Variants in PRKAG2 observed in about 807,000 individuals in gnomAD.
PRKAG2 encodes the protein protein kinase AMP-activated non-catalytic subunit gamma 2, also known as 5'-AMP-activated protein kinase subunit gamma-2.
Under a neutral mutation model 69.6 loss-of-function variants are expected in PRKAG2, and 26 were observed. The ratio of observed to expected loss-of-function variants is 0.37; its 90% confidence interval spans 0.27 to 0.52. The LOEUF is 0.52. Among genes scored for constraint, PRKAG2 ranks in the 20% least tolerant of loss-of-function variants. The pLI is 0.90. For synonymous variants in PRKAG2, 293 were observed against 285.0 expected, an observed-to-expected ratio of 1.03 and a Z score of -0.28; for missense variants, 557 against 740.0, an observed-to-expected ratio of 0.75 and a Z score of 2.87.
intron 6 of PRKAG2, among the ~76,000 whole-genome samples, chr7:151,577,303 C>T (rs1272549237): frequency 6.6e-6 from 1 of 152,176 alleles, no homozygotes; most frequent in South Asian, 2.1e-4. Context: ...ACTTAACACT[C>T]ATAACAAATA....
intron 1 of PRKAG2, among the ~76,000 whole-genome samples, chr7:151,805,046 C>T (rs2078032823): frequency 6.6e-6 from 1 of 152,176 alleles, no homozygotes; most frequent in Non-Finnish European, 1.5e-5. Context: ...GAATGTGGTC[C>T]CTCCCTGCAT....
intron 4 of PRKAG2, among the ~76,000 whole-genome samples, chr7:151,643,010 C>A (rs1826990925): frequency 6.6e-6 from 1 of 152,194 alleles, no homozygotes; most frequent in Non-Finnish European, 1.5e-5. Flanking sequence ...GAAGAAGGAG[C>A]TCAAGGAACA....
intron 6 of PRKAG2, among the ~76,000 whole-genome samples, chr7:151,584,396 T>C (rs1811160520): frequency 6.6e-6 from 1 of 151,846 alleles, no homozygotes; most frequent in Non-Finnish European, 1.5e-5. Context: ...TATGAATGAA[T>C]GGGCAGCCAT....
In PRKAG2 at chr7:151,707,500, C is replaced by T. The variant is rs79985976; in HGVS notation, c.467-31863G>A. 8.3e-3 allele frequency among the ~76,000 whole-genome samples: 1,266 copies of T among 152,246 alleles called. 20 individuals carry two copies. The highest frequency in any genetic ancestry group is 0.029 in the African/African-American group (1,193 of 41,544). On this transcript the variant is annotated intron_variant, in intron 3 of 15. Coordinates refer to ENST00000287878, the MANE Select transcript of PRKAG2 (RefSeq NM_016203.4). ...TCAGCTTCCAGAGCTCCCCAAACCT[C>T]GGGAGGGTCACACTGTTGGCTCTGG... is the stretch of plus-strand genomic sequence containing the variant.
intron 3 of PRKAG2, among the ~76,000 whole-genome samples, chr7:151,687,158 T>C (rs73481985): frequency 0.1 from 15,158 of 152,266 alleles, 2,123 homozygotes; most frequent in African/African-American, 0.32. Flanking sequence ...ATTTTAAATC[T>C]GTCCCAACTC....
chr7:151,773,227 A>AGGAAG (rs2076173334), intron 3 of PRKAG2, among the ~76,000 whole-genome samples: 1 of 151,504 alleles, frequency 6.6e-6, no homozygotes, highest in African/African-American at 2.4e-5. Flanking sequence ...AAGGAAGGAA[A>AGGAAG]GAAAGGAAAG....
intron 3 of PRKAG2, among the ~76,000 whole-genome samples, chr7:151,705,042 C>A (rs1329592633): frequency 6.6e-6 from 1 of 152,168 alleles, no homozygotes; most frequent in Non-Finnish European, 1.5e-5. Context: ...TAGGAGACAC[C>A]ACTGAAATTA....
At chr7:151,809,413 G>T (rs2078300789) in intron 1 of PRKAG2, 1 of 362,010 alleles carries the variant, frequency 2.8e-6, no homozygotes, top group African/African-American at 2.1e-5. Context: ...AGCTTCGAGG[G>T]GACTCCGGCA....
intron 1 of PRKAG2, among the ~76,000 whole-genome samples, chr7:151,830,359 T>A (rs73160037): frequency 0.25 from 38,552 of 151,554 alleles, 5,471 homozygotes; most frequent in Non-Finnish European, 0.29. Context: ...TGGCCCAGGG[T>A]GCACCTCTTT....
Position 151,780,357 on chromosome 7 carries a change from G to A in PRKAG2, c.466+795C>T, listed in dbSNP as rs2076603942. Among the ~76,000 whole-genome samples, 1 of 152,182 alleles carries A rather than the reference G, an allele frequency of 6.6e-6. No individual in the cohort carries two copies. The highest frequency in any genetic ancestry group is 2.1e-4 in the South Asian group (1 of 4,828). Reference sequence around the variant, plus strand: ...TAAAAGTCAGCCTGGAGAGAAAGGTGAACTATCCCAGGCCTCTGATGGTCA... The same window carrying A: ...TAAAAGTCAGCCTGGAGAGAAAGGTAAACTATCCCAGGCCTCTGATGGTCA... On this transcript the variant is annotated intron_variant, in intron 3 of 15. Transcript: ENST00000287878. This position sits in a 1 kb window ranked among gnomAD's most constrained non-coding sequence, Gnocchi z 4.2.
chr7:151,846,582 T>A (rs1281853274), intron 1 of PRKAG2, among the ~76,000 whole-genome samples: 2 of 152,206 alleles, frequency 1.3e-5, no homozygotes, highest in Non-Finnish European at 2.9e-5. Flanking sequence ...CCACCTCTGT[T>A]TCTGAGGGAC....
At position 151,814,665 on chromosome 7, in the gene PRKAG2, G is replaced by A. The variant is rs917474452; in HGVS notation, c.115-28124C>T. 35 of 1,231,730 alleles carry A rather than the reference G, an allele frequency of 2.8e-5. No individual in the cohort carries two copies. The African/African-American group carries it at 3.3e-4, about 11-fold the overall frequency. 76.3% of individuals were successfully genotyped at this position (1,231,730 alleles called of 1,614,324 possible). ...ATGTCTGCAACAGATGGGGACCGGG[G>A]CTGGGTGTGTTCCCAGTCCCCAAGG... On this transcript the variant is annotated intron_variant, in intron 1 of 15. Coordinates refer to ENST00000287878, the MANE Select transcript of PRKAG2 (RefSeq NM_016203.4). The surrounding 1 kb of genome is among the most constrained non-coding windows in gnomAD (Gnocchi z 4.8).
At chr7:151,766,140 C>T (rs2075721085) in intron 3 of PRKAG2, among the ~76,000 whole-genome samples, 1 of 152,220 alleles carries the variant, frequency 6.6e-6, no homozygotes, top group Non-Finnish European at 1.5e-5. Context: ...GAACACTCAG[C>T]CCATGCCAAA....
chr7:151,733,787 C>T (rs1799328659), intron 3 of PRKAG2, among the ~76,000 whole-genome samples: 2 of 151,936 alleles, frequency 1.3e-5, no homozygotes, highest in African/African-American at 2.4e-5. Context: ...GCCTCCCCTC[C>T]CAGGCTCAAG....
intron 4 of PRKAG2, among the ~76,000 whole-genome samples, chr7:151,648,391 C>T (rs1827908409): frequency 6.6e-6 from 1 of 152,158 alleles, no homozygotes; most frequent in Non-Finnish European, 1.5e-5. Flanking sequence ...ATCTTGCATC[C>T]CACCGTGGTC....
At chr7:151,733,141 T>C (rs1211436061) in intron 3 of PRKAG2, among the ~76,000 whole-genome samples, 1 of 152,228 alleles carries the variant, frequency 6.6e-6, no homozygotes, top group Non-Finnish European at 1.5e-5. Context: ...ACACTGTCTG[T>C]GGGGCACAGG....
chr7:151,568,783 T>C lies in PRKAG2; in HGVS notation c.1166A>G (p.Asp389Gly). The change falls in exon 11 of 16, where the codon GAC becomes GGC. Residue 389 changes from aspartate (D) to glycine (G), a missense_variant. Coordinates refer to ENST00000287878, the MANE Select transcript of PRKAG2 (RefSeq NM_016203.4). ...ATAAAGTGCATTCCCACTGATAGGG[T>C]CAATAACGGGCAATCTGTGGATTTT... is the stretch of plus-strand genomic sequence containing the variant. ...KNKIHRLPVI[D>G]PISGNALYIL... 1 of 1,613,910 alleles carries C rather than the reference T, an allele frequency of 6.2e-7. No homozygotes were observed. The highest frequency in any genetic ancestry group is 8.5e-7 in the Non-Finnish European group (1 of 1,179,842).
chr7:151,660,004 A>G (rs1483920715), intron 4 of PRKAG2, among the ~76,000 whole-genome samples: 1 of 152,230 alleles, frequency 6.6e-6, no homozygotes, highest in African/African-American at 2.4e-5. Flanking sequence ...GGTTACAGTG[A>G]GCTATGATCA....
rs550596923 is a variant in PRKAG2, at chr7:151,586,623, C to T, written c.864+8722G>A. Among the ~76,000 whole-genome samples, 101 of 152,288 alleles carry T rather than the reference C, an allele frequency of 6.6e-4. 1 individual carries two copies. The Middle Eastern group carries it at 0.02, about 31-fold the overall frequency. On this transcript the variant is annotated intron_variant, in intron 6 of 15. Coordinates refer to ENST00000287878, the MANE Select transcript of PRKAG2 (RefSeq NM_016203.4). ...CAACTATTGTGGGCTTTAGTTTCCT[C>T]GAATCACTATTACTTTACCTCTTCC... is the stretch of plus-strand genomic sequence containing the variant.
Sources: gnomAD v4.1 joint callset for allele counts (sites outside exome capture counted in the v4.1 genomes callset) on GRCh38, gnomAD v4.1.1 for gene constraint, Gnocchi (gnomAD v3.1) non-coding constraint, MANE v1.5 for transcripts, NCBI Gene and HGNC (gene_info 2026-07-23, HGNC 2026-07-21) for gene names.